Variants in ATP8A2 observed in about 807,000 individuals in gnomAD.
ATP8A2 encodes the protein ATPase phospholipid transporting 8A2, also known as phospholipid-transporting ATPase IB.
A neutral mutation model predicts 165.6 loss-of-function variants in ATP8A2; 100 were observed. The observed-to-expected ratio is 0.60, with a 90% CI of 0.51 to 0.71. The LOEUF is 0.71. ATP8A2 is among the 30% of genes least tolerant of loss of function. The pLI is 0.00. For missense variants in ATP8A2, 1,227 were observed against 1,479.5 expected (o/e 0.83, Z 2.80); for synonymous variants, 543 against 548.8 (o/e 0.99, Z 0.15).
intron 24 of ATP8A2, among the ~76,000 whole-genome samples, chr13:25,589,924 C>A (rs946201651): frequency 5.9e-5 from 9 of 152,090 alleles, no homozygotes; most frequent in African/African-American, 2.2e-4. Context: ...TACTTTTATT[C>A]ATCTAGAATT....
intron 24 of ATP8A2, among the ~76,000 whole-genome samples, chr13:25,682,580 T>C (rs2042514979): frequency 6.6e-6 from 1 of 152,206 alleles, no homozygotes; most frequent in African/African-American, 2.4e-5. Context: ...GCTTCTCTGC[T>C]CGCTTTCTCC....
chr13:25,550,585 C>T lies in ATP8A2; in HGVS notation c.892-753C>T, dbSNP rs558554603. Reference sequence around the variant, plus strand: ...CTCCTGCCAACACTGGCCTCAGCTCCACCTGGGCTGGTTTCCCCCCAGCAG... The same window carrying T: ...CTCCTGCCAACACTGGCCTCAGCTCTACCTGGGCTGGTTTCCCCCCAGCAG... On this transcript the variant is annotated intron_variant, in intron 10 of 36. Transcript: ENST00000381655. Among the ~76,000 whole-genome samples the T allele has an allele frequency of 5.3e-5, 8 of 152,302 alleles. 1 individual carries two copies. In the South Asian group the frequency reaches 1.7e-3, roughly 32 times the overall value.
intron 2 of ATP8A2, among the ~76,000 whole-genome samples, chr13:25,515,124 A>G (rs765595319): frequency 3.7e-4 from 56 of 152,296 alleles, no homozygotes; most frequent in Non-Finnish European, 7.5e-4. Context: ...CTCCTGCCCG[A>G]CAATCTTCAA....
chr13:25,520,786 TA>T (rs145249266), intron 2 of ATP8A2, among the ~76,000 whole-genome samples: 6,947 of 151,832 alleles, frequency 0.046, 203 homozygotes, highest in South Asian at 0.13. Context: ...TATATATATA[TA>T]TTTTTTTTAG....
chr13:25,621,818 C>T (rs1440127012), intron 24 of ATP8A2, among the ~76,000 whole-genome samples: 1 of 152,102 alleles, frequency 6.6e-6, no homozygotes, highest in Non-Finnish European at 1.5e-5. Flanking sequence ...CCACAGTGAG[C>T]CCACAGTTTT....
chr13:25,615,647 G>T (rs2138466336), intron 24 of ATP8A2, among the ~76,000 whole-genome samples: 1 of 152,240 alleles, frequency 6.6e-6, no homozygotes, highest in Non-Finnish European at 1.5e-5. Context: ...GATTCCACTG[G>T]TAGCCCTCCC....
intron 25 of ATP8A2, among the ~76,000 whole-genome samples, chr13:25,712,276 A>G (rs773051922): frequency 1.3e-5 from 2 of 152,120 alleles, no homozygotes; most frequent in African/African-American, 2.4e-5. Context: ...GAATTCTTCT[A>G]CCTATCTCTC....
At chr13:25,411,719 A>C (rs1464901710) in intron 1 of ATP8A2, among the ~76,000 whole-genome samples, 3 of 152,212 alleles carry the variant, frequency 2.0e-5, no homozygotes, top group Non-Finnish European at 4.4e-5. Flanking sequence ...ATACATATTT[A>C]TATATACATA....
At chr13:25,375,338 C>T (rs1196873735) in intron 1 of ATP8A2, among the ~76,000 whole-genome samples, 2 of 152,162 alleles carry the variant, frequency 1.3e-5, no homozygotes, top group Non-Finnish European at 1.5e-5. Context: ...GCTCTCAACT[C>T]TCTTCTCTCA....
At chr13:25,738,226 G>A (rs922654553) in intron 25 of ATP8A2, among the ~76,000 whole-genome samples, 2 of 152,152 alleles carry the variant, frequency 1.3e-5, no homozygotes. Flanking sequence ...GCTTCTCACA[G>A]GTAGAGTAAC....
chr13:25,550,922 C>CTGTG (rs2038801474), intron 10 of ATP8A2, among the ~76,000 whole-genome samples: 1 of 152,172 alleles, frequency 6.6e-6, no homozygotes, highest in Non-Finnish European at 1.5e-5. Flanking sequence ...TATTGCAGAG[C>CTGTG]TGTGCTATTA....
chr13:25,641,027 A>T (rs1424359674), intron 24 of ATP8A2, among the ~76,000 whole-genome samples: 1 of 152,252 alleles, frequency 6.6e-6, no homozygotes, highest in Non-Finnish European at 1.5e-5. Context: ...CAATAGATGC[A>T]GAAAAAGCCG....
intron 1 of ATP8A2, among the ~76,000 whole-genome samples, chr13:25,398,797 A>G (rs1038809026): frequency 5.3e-5 from 8 of 152,200 alleles, no homozygotes; most frequent in African/African-American, 1.4e-4. Context: ...GAGAAGTGGC[A>G]GGAAAGAGAA....
At chr13:26,007,840 C>T (rs1484472109) in intron 35 of ATP8A2, among the ~76,000 whole-genome samples, 1 of 152,078 alleles carries the variant, frequency 6.6e-6, no homozygotes, top group Non-Finnish European at 1.5e-5. Context: ...ACAGCTTAGT[C>T]CCATGTGAGA....
chr13:25,388,819 A>G (rs2033146984), intron 1 of ATP8A2, among the ~76,000 whole-genome samples: 1 of 152,168 alleles, frequency 6.6e-6, no homozygotes, highest in African/African-American at 2.4e-5. Flanking sequence ...ACGGCCAGCA[A>G]TGGGCAGGAG....
intron 20 of ATP8A2, among the ~76,000 whole-genome samples, chr13:25,578,137 A>G (rs775098356): frequency 6.6e-6 from 1 of 152,246 alleles, no homozygotes; most frequent in Non-Finnish European, 1.5e-5. Flanking sequence ...GAGGGCTGTC[A>G]GTATAGAAGA....
intron 28 of ATP8A2, among the ~76,000 whole-genome samples, chr13:25,829,679 T>TAC (rs1951410265): frequency 7.7e-5 from 2 of 26,014 alleles, no homozygotes; most frequent in African/African-American, 1.6e-4. Flanking sequence ...TATATATATA[T>TAC]ATATATATAT....
At chr13:25,774,728 T>A (rs542696959) in intron 26 of ATP8A2, 121 bp from the exon 27 acceptor site, 1 of 581,036 alleles carries the variant, frequency 1.7e-6, no homozygotes, top group African/African-American at 1.9e-5. Context: ...TTTCTGAGAT[T>A]CCTGCGGAAT....
intron 27 of ATP8A2, among the ~76,000 whole-genome samples, chr13:25,800,022 C>A (rs1228052110): frequency 6.6e-6 from 1 of 152,184 alleles, no homozygotes; most frequent in Non-Finnish European, 1.5e-5. Flanking sequence ...ATTTATTGGG[C>A]CTTTTAATGT....
Sources: gnomAD v4.1 joint callset for allele counts (sites outside exome capture counted in the v4.1 genomes callset) on GRCh38, gnomAD v4.1.1 for gene constraint, MANE v1.5 for transcripts, NCBI Gene and HGNC (gene_info 2026-07-23, HGNC 2026-07-21) for gene names.